The following SPATA4 variants were observed in gnomAD, a reference collection of about 807,000 sequenced individuals.
SPATA4 encodes the protein spermatogenesis associated 4, also known as spermatogenesis-associated protein 4.
Under a neutral mutation model 31.8 loss-of-function variants are expected in SPATA4, and 35 were observed. That is an observed-to-expected ratio of 1.10 (90% CI 0.84 to 1.46). The LOEUF (loss-of-function observed/expected upper bound fraction) is 1.46. Among genes scored for constraint, SPATA4 ranks in the 40% most tolerant of loss-of-function variants. SPATA4 has a pLI of 0.00. For synonymous variants in SPATA4, 126 were observed against 132.4 expected (o/e 0.95, Z 0.33); for missense variants, 394 against 363.1 (o/e 1.09, Z -0.69).
At chr4:176,190,554 G>T (rs1229344842) in intron 4 of SPATA4, among the ~76,000 whole-genome samples, 3 of 152,174 alleles carry the variant, frequency 2.0e-5, no homozygotes, top group African/African-American at 7.2e-5. Context: ...TTCTGGGGAT[G>T]AATCTTCTCC....
chr4:176,193,548 A>C lies in SPATA4; in HGVS notation c.253T>G (p.Phe85Val), dbSNP rs75165690. 1.4e-3 allele frequency: 2,201 copies of C among 1,611,422 alleles called. 25 individuals carry two copies. In the African/African-American group the frequency reaches 0.026, roughly 19 times the overall value. The change falls in exon 2 of 6, where the codon TTC (phenylalanine) becomes GTC (valine). Residue 85 changes from phenylalanine (F) to valine (V), a missense_variant. Transcript: ENST00000280191. ...AGTTCCCAGGGGTAATATATACAGA[A>C]TATTTCTGCAATTAGGAAGCCATTT... ...FSNGFLIAEI[F>V]CIYYPWELEL... is the part of the protein sequence containing the mutation.
chr4:176,195,101 A>T (rs1219605169), intron 1 of SPATA4, among the ~76,000 whole-genome samples: 1 of 152,224 alleles, frequency 6.6e-6, no homozygotes, highest in African/African-American at 2.4e-5. Flanking sequence ...ATATTTTTGT[A>T]GTCACCAAAG....
Position 176,193,563 on chromosome 4 carries a change from G to C in SPATA4, c.238C>G (p.Leu80Val). 1.9e-6 allele frequency: 3 copies of C among 1,608,094 alleles called. No homozygotes were observed. Among genetic ancestry groups the C allele is most frequent in the Middle Eastern group, 1.7e-4 (1 of 5,988 alleles). ...TATATACAGAATATTTCTGCAATTA[G>C]GAAGCCATTTGAAAAATCTCTGATC... The part of the protein sequence containing the change: ...NINRDFSNGF[L>V]IAEIFCIYYP... The change falls in exon 2 of 6, where the codon CTA becomes GTA. Residue 80 changes from leucine (L) to valine (V), a missense_variant. Leu to Val is a conservative substitution (Grantham distance 32). Coordinates refer to ENST00000280191, the MANE Select transcript of SPATA4 (RefSeq NM_144644.4).
chr4:176,189,648 A>T (rs1752497871), intron 4 of SPATA4, among the ~76,000 whole-genome samples: 1 of 152,226 alleles, frequency 6.6e-6, no homozygotes, highest in Non-Finnish European at 1.5e-5. Flanking sequence ...GAAGTGACAC[A>T]CATGTAGACA....
At chr4:176,193,269 C>T (rs149041193) in intron 2 of SPATA4, among the ~76,000 whole-genome samples, 184 bp downstream of exon 2, 261 of 152,302 alleles carry the variant, frequency 1.7e-3, no homozygotes, top group African/African-American at 6.0e-3. Context: ...TAATTATGCT[C>T]AGTTTCATAG....
Position 176,193,521 on chromosome 4 carries a change from C to A in SPATA4, c.280G>T (p.Glu94Ter), listed in dbSNP as rs1752566071. 1 of 1,613,676 alleles carries A rather than the reference C, an allele frequency of 6.2e-7. No individual in the cohort carries two copies. Among genetic ancestry groups the A allele is most frequent in the African/African-American group, 1.3e-5 (1 of 75,040 alleles). ...GTCCCGTTTTCAAAGGATGATAATT[C>A]AAGTTCCCAGGGGTAATATATACAG... ...IFCIYYPWEL[E>*]LSSFENGTSL... The change falls in exon 2 of 6, where the codon GAA (glutamate) becomes TAA (stop). Residue 94 changes from glutamate to a stop codon, truncating the protein, a stop_gained. Coordinates refer to ENST00000280191, the MANE Select transcript of SPATA4 (RefSeq NM_144644.4). LOFTEE classifies it high-confidence loss of function.
At position 176,188,239 on chromosome 4, in the gene SPATA4, T is replaced by C. The variant is rs994548422; in HGVS notation, c.689-4A>G. The C allele has an allele frequency of 1.1e-5, 18 of 1,578,086 alleles. No homozygotes were observed. The highest frequency in any genetic ancestry group is 1.6e-5 in the Non-Finnish European group (18 of 1,159,186). On this transcript the variant is annotated splice_region_variant and splice_polypyrimidine_tract_variant and intron_variant, in intron 4 of 5. Coordinates refer to ENST00000280191, the MANE Select transcript of SPATA4 (RefSeq NM_144644.4). ...GTTGGTTTCACATCAAACCATTCTA[T>C]AAAATATGAACACAAAAGTTATTTC...
At chr4:176,194,631 TGCCTACAATTAA>T (rs1310836913) in intron 1 of SPATA4, 1 of 151,688 alleles carries the variant, frequency 6.6e-6, no homozygotes, top group Non-Finnish European at 1.5e-5. Flanking sequence ...ACATACAAAG[TGCCTACAATTAA>T]GCAGCAACTT....
At chr4:176,188,283 C>A in intron 4 of SPATA4, 48 bp from the exon 5 acceptor site, 1 of 1,215,772 alleles carries the variant, frequency 8.2e-7, no homozygotes, top group East Asian at 2.4e-5. Flanking sequence ...CCATAATGGC[C>A]ATTGTCAAAA....
chr4:176,193,682 T>A, intron 1 of SPATA4, 100 bp from the exon 2 acceptor site: 1 of 1,222,852 alleles, frequency 8.2e-7, no homozygotes, highest in Non-Finnish European at 1.1e-6. Flanking sequence ...ACTAAAAGTA[T>A]CTTGTAAAGT....
chr4:176,185,086 T>TGTCAGCCACTTCCAAAAGTC (rs1752420701), intron 5 of SPATA4, among the ~76,000 whole-genome samples, 194 bp from the exon 6 acceptor site: 1 of 152,200 alleles, frequency 6.6e-6, no homozygotes, highest in South Asian at 2.1e-4. Flanking sequence ...AAAGTCTGAA[T>TGTCAGCCACTTCCAAAAGTC]GTCAGCCACT....
At chr4:176,193,684 T>G in intron 1 of SPATA4, 102 bp from the exon 2 acceptor site, 1 of 1,216,684 alleles carries the variant, frequency 8.2e-7, no homozygotes, top group East Asian at 2.7e-5. Flanking sequence ...TAAAAGTATC[T>G]TGTAAAGTGA....
Position 176,193,058 on chromosome 4 carries a change from A to AT in SPATA4, c.366dup (p.Phe123IlefsTer2). ...TGGATTAGTTCTTTAGGTAATTTAA[A>AT]TTTTTTTCTTGCCAGGAACTTTAAT... On this transcript the variant is annotated frameshift_variant, in exon 3 of 6. Coordinates refer to ENST00000280191, the MANE Select transcript of SPATA4 (RefSeq NM_144644.4). LOFTEE classifies it high-confidence loss of function. 6.3e-7 allele frequency: 1 copy of AT among 1,590,220 alleles called. No homozygotes were observed. Among genetic ancestry groups the AT allele is most frequent in the South Asian group, 1.2e-5 (1 of 85,196 alleles).
intron 4 of SPATA4, among the ~76,000 whole-genome samples, chr4:176,190,768 C>G (rs1752515386): frequency 6.6e-6 from 1 of 152,128 alleles, no homozygotes; most frequent in Non-Finnish European, 1.5e-5. Flanking sequence ...TCTCCTTCTC[C>G]TACATGTGTC....
At chr4:176,192,913 A>G (rs1160833983) in intron 3 of SPATA4, 45 bp downstream of exon 3, 4 of 1,584,230 alleles carry the variant, frequency 2.5e-6, no homozygotes, top group Non-Finnish European at 2.6e-6. Context: ...TATTATCAAA[A>G]GTTTCACATT....
intron 5 of SPATA4, 83 bp downstream of exon 5, chr4:176,188,035 CT>C: frequency 4.1e-6 from 4 of 968,414 alleles, no homozygotes; most frequent in Non-Finnish European, 6.7e-6. Flanking sequence ...AACATTTTAA[CT>C]ATTTAACCGT....
chr4:176,189,449 CAG>C, intron 4 of SPATA4, among the ~76,000 whole-genome samples: 1 of 141,644 alleles, frequency 7.1e-6, no homozygotes, highest in South Asian at 2.2e-4. Context: ...AAAGAAGAAA[CAG>C]AAAAAGAGAA....
rs780179515 is a variant in SPATA4 at position 176,188,152 on chromosome 4, T to C, written c.772A>G (p.Lys258Glu). Reference sequence around the variant, plus strand: ...GGGACAACTCTTCCTCTTTTAACTTTTAAATTATATCTGCGCCCAGAGGCT... The same window carrying C: ...GGGACAACTCTTCCTCTTTTAACTTCTAAATTATATCTGCGCCCAGAGGCT... ...AQASGRRYNL[K>E]VKRGRVVPVL... is the part of the protein sequence containing the mutation. Residue 258 changes from lysine to glutamate, a missense_variant, in exon 5 of 6, where the codon AAA (lysine) becomes GAA (glutamate). Coordinates refer to ENST00000280191, the MANE Select transcript of SPATA4 (RefSeq NM_144644.4). 1.2e-6 allele frequency: 2 copies of C among 1,613,650 alleles called. No homozygotes were observed. Among genetic ancestry groups the C allele is most frequent in the Non-Finnish European group, 1.7e-6 (2 of 1,179,856 alleles).
chr4:176,191,106 T>C (rs1579295346), intron 4 of SPATA4, among the ~76,000 whole-genome samples: 2 of 150,454 alleles, frequency 1.3e-5, no homozygotes. Context: ...ATTTTTTTTT[T>C]TTTTTTTGAG....
Sources: allele counts gnomAD v4.1 joint callset (sites outside exome capture counted in the v4.1 genomes callset), GRCh38; gene constraint gnomAD v4.1.1; transcripts MANE v1.5; gene names NCBI Gene and HGNC (gene_info 2026-07-23, HGNC 2026-07-21).